The following RHCE variants were observed in gnomAD, a reference collection of about 807,000 sequenced individuals.
RHCE encodes the protein blood group Rh(CE) polypeptide.
A neutral mutation model predicts 43.8 loss-of-function variants in RHCE; 22 were observed. The observed-to-expected ratio is 0.50, with a 90% confidence interval of 0.36 to 0.72. RHCE has a LOEUF of 0.72. Among genes scored for constraint, RHCE ranks in the 30% least tolerant of loss-of-function variants. The pLI, the probability that RHCE is intolerant of heterozygous loss-of-function variation, is 0.00. For missense variants in RHCE, 385 were observed against 525.4 expected (o/e 0.73, Z 2.61); for synonymous variants, 156 against 210.7 (o/e 0.74, Z 2.25).
At chr1:25,403,166 G>A (rs1646811360) in intron 2 of RHCE, among the ~76,000 whole-genome samples, 1 of 152,082 alleles carries the variant, frequency 6.6e-6, no homozygotes, top group South Asian at 2.1e-4. Context: ...CCCACATCCA[G>A]TCACCCCATC....
rs1457109525 is a variant in RHCE, at chr1:25,362,352, CTT to C, written c.*173_*174del. On this transcript the variant is annotated 3_prime_UTR_variant, in exon 10 of 10. Transcript: ENST00000294413. ...TTATTTTAAACTTATTAAATTGACT[CTT>C]AAACTAAGTTTTTAGTCTTTAATTT... The C allele has an allele frequency of 5.6e-6, 8 of 1,433,756 alleles. 1 individual carries two copies. The African/African-American group carries it at 5.8e-5, about 10-fold the overall frequency. The allele number at this position is 1,433,756 out of a possible 1,614,324, so 88.8% of individuals were successfully genotyped here. A position where few individuals can be genotyped will look rare whatever the true frequency, so the allele number is the denominator to read the frequency against.
chr1:25,421,867 G>T (rs1464108483), upstream of RHCE, among the ~76,000 whole-genome samples: 2 of 152,206 alleles, frequency 1.3e-5, no homozygotes, highest in Non-Finnish European at 2.9e-5. Context: ...AGTGTAAACT[G>T]AATGTGTGGA....
chr1:25,390,395 G>C (rs1185732079), intron 5 of RHCE, among the ~76,000 whole-genome samples: 1 of 152,174 alleles, frequency 6.6e-6, no homozygotes, highest in Non-Finnish European at 1.5e-5. Flanking sequence ...TTGTTGGGGG[G>C]AAGAGAGAGG....
chr1:25,413,157 T>A (rs1318182537), intron 1 of RHCE, among the ~76,000 whole-genome samples: 1 of 152,110 alleles, frequency 6.6e-6, no homozygotes, highest in African/African-American at 2.4e-5. Context: ...CTCTACACTG[T>A]CCCTGAGAGA....
chr1:25,421,025 T>A (rs2042753586), upstream of RHCE: 3 of 545,896 alleles, frequency 5.5e-6, no homozygotes, highest in East Asian at 9.6e-5. Flanking sequence ...AGTTGCTGTG[T>A]TCCTGTTACA....
chr1:25,391,238 G>A (rs1310138437), intron 4 of RHCE, among the ~76,000 whole-genome samples: 4 of 152,062 alleles, frequency 2.6e-5, no homozygotes, highest in Admixed American at 1.3e-4. Context: ...AGGCTGGAGT[G>A]CAGTGGCGCG....
chr1:25,385,613 G>A lies in RHCE; in HGVS notation c.1073+98C>T. Reference sequence around the variant, plus strand: ...TTCACCGAAGCCTACTGAGCACCTGGCCCCGAGTGCACACGCCCCAGCTAA... The same window carrying A: ...TTCACCGAAGCCTACTGAGCACCTGACCCCGAGTGCACACGCCCCAGCTAA... On this transcript the variant is annotated intron_variant, in intron 7 of 9. Transcript: ENST00000294413. 1.9e-6 allele frequency: 3 copies of A among 1,545,598 alleles called. No homozygotes were observed. In the African/African-American group the frequency reaches 4.1e-5, roughly 21 times the overall value.
chr1:25,430,177 C>G (rs897867991), exon 1 of RHCE: 4 of 152,042 alleles, frequency 2.6e-5, no homozygotes, highest in African/African-American at 9.7e-5. Context: ...CGCACCGCCG[C>G]ACACGCCCCG....
chr1:25,395,027 G>A (rs942463261), intron 3 of RHCE, among the ~76,000 whole-genome samples: 20 of 147,606 alleles, frequency 1.4e-4, no homozygotes, highest in African/African-American at 4.9e-4. Context: ...ATGCAGAGAA[G>A]AGAGATGATG....
intron 2 of RHCE, among the ~76,000 whole-genome samples, chr1:25,427,533 G>A (rs919973520): frequency 6.6e-6 from 1 of 152,234 alleles, no homozygotes; most frequent in African/African-American, 2.4e-5. Flanking sequence ...GAGGAAAAAG[G>A]CTGGCACTTG....
At chr1:25,401,400 T>C (rs1272158585) in intron 3 of RHCE, among the ~76,000 whole-genome samples, 1 of 152,172 alleles carries the variant, frequency 6.6e-6, no homozygotes, top group Non-Finnish European at 1.5e-5. Flanking sequence ...AGGCTGGAAC[T>C]GTGGGTTCTC....
intron 1 of RHCE, among the ~76,000 whole-genome samples, chr1:25,417,461 G>A (rs1647643520): frequency 6.6e-6 from 1 of 152,204 alleles, no homozygotes; most frequent in Non-Finnish European, 1.5e-5. Context: ...GAAAGGCAGA[G>A]TGAAACTTCT....
chr1:25,412,180 G>A (rs1277258757), intron 1 of RHCE, among the ~76,000 whole-genome samples: 1 of 152,240 alleles, frequency 6.6e-6, no homozygotes, highest in Non-Finnish European at 1.5e-5. Context: ...AGCTCTGAAT[G>A]CCTGGAACTA....
chr1:25,411,346 C>G, intron 1 of RHCE: 1 of 1,550,562 alleles, frequency 6.4e-7, no homozygotes, highest in Non-Finnish European at 8.7e-7. Context: ...TCACCTGCCA[C>G]TGGTCTCCAG....
rs79321360 is a variant in RHCE at position 25,385,843 on chromosome 1, A to C, written c.941T>G (p.Val314Gly). 319 of 1,613,942 alleles carry C rather than the reference A, an allele frequency of 2.0e-4. 3 individuals are homozygous for C. The highest frequency in any genetic ancestry group is 4.9e-4 in the Middle Eastern group (3 of 6,062). ...AATCCCCAGCACTCGGTTACAACACACCTGTGGACAAGTGTTATTATAAGC... is the reference window on the plus strand; with the variant it reads ...AATCCCCAGCACTCGGTTACAACACCCCTGTGGACAAGTGTTATTATAAGC... ...ISIGGAKCLPVCCNRVLGIHH... is the reference protein window; with the variant it reads ...ISIGGAKCLPGCCNRVLGIHH... Residue 314 changes from valine (V) to glycine (G), a missense_variant and splice_region_variant, in exon 7 of 10, where the codon GTG becomes GGG. Physicochemically the swap from Val to Gly is moderately radical, Grantham distance 109. This residue lies in a region of RHCE where 82 missense variants were observed against 69.2 expected (regional missense o/e 1.18). Coordinates refer to ENST00000294413, the MANE Select transcript of RHCE (RefSeq NM_020485.8).
chr1:25,429,800 C>T (rs1486697022), intron 1 of RHCE: 1 of 152,072 alleles, frequency 6.6e-6, no homozygotes, highest in Non-Finnish European at 1.5e-5. Flanking sequence ...CCTACATTTT[C>T]CCCAGTTTTC....
intron 2 of RHCE, among the ~76,000 whole-genome samples, chr1:25,404,077 G>C (rs1476858099): frequency 2.7e-5 from 4 of 150,062 alleles, no homozygotes; most frequent in Non-Finnish European, 5.9e-5. Context: ...CTGAGGCATG[G>C]CAGTCGCTTG....
At position 25,373,431 on chromosome 1, in the gene RHCE, C is replaced by T. The variant is rs142003047; in HGVS notation, c.1153+1918G>A. Among the ~76,000 whole-genome samples, 629 of 151,828 alleles carry T rather than the reference C, an allele frequency of 4.1e-3. 4 individuals carry two copies. The highest frequency in any genetic ancestry group is 7.2e-3 in the Non-Finnish European group (490 of 68,018). ...CCCAGGGTTGGATTGCCAGCTGCCA[C>T]GAACTGAACGTTAACTTACGGAATT... is the stretch of plus-strand genomic sequence containing the variant. On this transcript the variant is annotated intron_variant, in intron 8 of 9. Coordinates refer to ENST00000294413, the MANE Select transcript of RHCE (RefSeq NM_020485.8).
intron 1 of RHCE, among the ~76,000 whole-genome samples, chr1:25,419,242 T>C (rs889463178): frequency 1.1e-4 from 17 of 152,216 alleles, no homozygotes; most frequent in Admixed American, 9.2e-4. Context: ...GTTCTAATCA[T>C]CATGTGTCTG....
Sources: allele counts gnomAD v4.1 joint callset (sites outside exome capture counted in the v4.1 genomes callset), GRCh38; gene constraint gnomAD v4.1.1; regional missense constraint gnomAD v4.1.1; transcripts MANE v1.5; gene names NCBI Gene and HGNC (gene_info 2026-07-23, HGNC 2026-07-21).